The following STXBP5 variants were observed in gnomAD, a reference collection of about 807,000 sequenced individuals.
STXBP5 encodes syntaxin binding protein 5.
In STXBP5, 50 loss-of-function variants were observed where a neutral mutation model predicts 152.4. That is an observed-to-expected ratio of 0.33 (90% CI 0.26 to 0.42). STXBP5 has a LOEUF of 0.42. STXBP5 is among the 10% of genes least tolerant of loss of function. The pLI, the probability that STXBP5 is intolerant of heterozygous loss-of-function variation, is 1.00. For synonymous variants in STXBP5, 492 were observed against 494.7 expected, an observed-to-expected ratio of 0.99 and a Z score of 0.07; for missense variants, 1,167 against 1,388.6, an observed-to-expected ratio of 0.84 and a Z score of 2.54.
intron 21 of STXBP5, among the ~76,000 whole-genome samples, chr6:147,352,743 G>GAGAAACAGT (rs1784646379): frequency 6.6e-6 from 1 of 152,186 alleles, no homozygotes; most frequent in African/African-American, 2.4e-5. Flanking sequence ...AGAAGTTACT[G>GAGAAACAGT]TTTCTCACTC....
chr6:147,351,946 C>T (rs1451112302), intron 21 of STXBP5: 1 of 947,704 alleles, frequency 1.1e-6, no homozygotes, highest in East Asian at 1.2e-4. Context: ...CTAATATATT[C>T]ATTCCTGTAT....
chr6:147,281,087 T>C (rs1780677563), intron 8 of STXBP5, among the ~76,000 whole-genome samples: 1 of 152,184 alleles, frequency 6.6e-6, no homozygotes, highest in South Asian at 2.1e-4. Flanking sequence ...ACTCTACAAC[T>C]GAATTCATGG....
At chr6:147,358,857 C>T (rs1341037961) in intron 22 of STXBP5, among the ~76,000 whole-genome samples, 1 of 151,998 alleles carries the variant, frequency 6.6e-6, no homozygotes, top group African/African-American at 2.4e-5. Flanking sequence ...AGGGGTTGGT[C>T]TTGCTGTCTC....
rs766410540 is a variant in STXBP5 at position 147,206,009 on chromosome 6, G to A, written c.189G>A (p.Leu63=). ...GATTTCCCTATCAACCCTCAGCCCT[G>A]GCCTTTGATCCTGTACAGAAGATCC... ...RHGFPYQPSA[L]AFDPVQKILA... is the part of the protein sequence containing the mutation. The change falls in exon 2 of 28, where the codon CTG becomes CTA. Residue 63 remains leucine, a synonymous_variant. Coordinates refer to ENST00000321680, the MANE Select transcript of STXBP5 (RefSeq NM_001127715.4). The A allele has an allele frequency of 4.3e-6, 7 of 1,613,942 alleles. No individual in the cohort carries two copies. In the Admixed American group the frequency reaches 8.3e-5, roughly 19 times the overall value.
At chr6:147,283,858 C>T (rs1358251185) in intron 8 of STXBP5, among the ~76,000 whole-genome samples, 1 of 152,122 alleles carries the variant, frequency 6.6e-6, no homozygotes, top group East Asian at 1.9e-4. Flanking sequence ...GAGGGAACAA[C>T]CCTCCTCCCC....
At chr6:147,383,209 T>C (rs983337697) in intron 27 of STXBP5, among the ~76,000 whole-genome samples, 2 of 152,080 alleles carry the variant, frequency 1.3e-5, no homozygotes, top group Admixed American at 6.6e-5. Context: ...ATTATAAATT[T>C]TGAAGGAATC....
At chr6:147,311,077 G>A (rs1782351562) in intron 10 of STXBP5, among the ~76,000 whole-genome samples, 1 of 152,012 alleles carries the variant, frequency 6.6e-6, no homozygotes, top group African/African-American at 2.4e-5. Context: ...TTATTGACAG[G>A]CACATATGAA....
chr6:147,212,032 T>C (rs1776883230), intron 2 of STXBP5, among the ~76,000 whole-genome samples: 1 of 152,190 alleles, frequency 6.6e-6, no homozygotes, highest in Non-Finnish European at 1.5e-5. Context: ...CTTTAGCTCC[T>C]CATTCAAGAG....
intron 26 of STXBP5, among the ~76,000 whole-genome samples, chr6:147,376,956 A>G: frequency 6.6e-6 from 1 of 152,334 alleles, no homozygotes; most frequent in South Asian, 2.1e-4. Context: ...CTATATTAAT[A>G]TAAGAAAAAT....
Position 147,204,580 on chromosome 6 carries a change from C to T in STXBP5, c.48C>T (p.Gly16=), listed in dbSNP as rs2114998776. The T allele has an allele frequency of 6.2e-7, 1 of 1,609,714 alleles. No individual in the cohort carries two copies. The highest frequency in any genetic ancestry group is 8.5e-7 in the Non-Finnish European group (1 of 1,178,208). Residue 16 remains glycine, a synonymous_variant, in exon 1 of 28, where the codon GGC becomes GGT. Coordinates refer to ENST00000321680, the MANE Select transcript of STXBP5 (RefSeq NM_001127715.4). The surrounding 1 kb of genome is among the most constrained non-coding windows in gnomAD (Gnocchi z 4.3). ...AGGTGCTGGACGGCCTGACCGCCGG[C>T]TCGTCCTCGGCGTCGCAGCAGCAAC... ...IRKVLDGLTA[G]SSSASQQQQQ... is the part of the protein sequence containing the mutation.
chr6:147,326,195 A>G (rs186257114), intron 17 of STXBP5, among the ~76,000 whole-genome samples: 3 of 152,308 alleles, frequency 2.0e-5, no homozygotes, highest in East Asian at 1.9e-4. Context: ...CACACAATGT[A>G]AGAGCACAAA....
chr6:147,360,570 C>G (rs933315553), intron 23 of STXBP5, among the ~76,000 whole-genome samples: 3 of 152,032 alleles, frequency 2.0e-5, no homozygotes, highest in Non-Finnish European at 4.4e-5. Context: ...CCTAATACCT[C>G]AAGCAAAAGA....
chr6:147,242,163 C>A, intron 4 of STXBP5, among the ~76,000 whole-genome samples: 2 of 141,358 alleles, frequency 1.4e-5, no homozygotes, highest in African/African-American at 5.3e-5. Flanking sequence ...GTGACTGTGT[C>A]TTAGTTTTAA....
chr6:147,294,665 T>C (rs1455791999), intron 9 of STXBP5, among the ~76,000 whole-genome samples: 1 of 152,178 alleles, frequency 6.6e-6, no homozygotes, highest in East Asian at 1.9e-4. Flanking sequence ...TAAAAAAGTA[T>C]TTTAGTCCTT....
intron 2 of STXBP5, among the ~76,000 whole-genome samples, chr6:147,233,859 GACTACT>G (rs1009997209): frequency 6.7e-6 from 1 of 149,490 alleles, no homozygotes; most frequent in Non-Finnish European, 1.5e-5. Flanking sequence ...TTACTATTAT[GACTACT>G]ACTACTACTA....
chr6:147,336,142 T>G (rs1783816251), intron 19 of STXBP5, among the ~76,000 whole-genome samples: 1 of 141,408 alleles, frequency 7.1e-6, no homozygotes, highest in Non-Finnish European at 1.6e-5. Flanking sequence ...GGAAATACTG[T>G]TTTTTTTACA....
At chr6:147,380,963 C>G (rs918497471) in intron 26 of STXBP5, among the ~76,000 whole-genome samples, 2 of 152,054 alleles carry the variant, frequency 1.3e-5, no homozygotes, top group African/African-American at 4.8e-5. Flanking sequence ...GCTGGCGAGA[C>G]CTCACAATCA....
intron 2 of STXBP5, among the ~76,000 whole-genome samples, chr6:147,229,417 A>G (rs575521383): frequency 2.6e-5 from 4 of 151,948 alleles, no homozygotes; most frequent in Admixed American, 6.6e-5. Flanking sequence ...GTCAATTTCT[A>G]TAAACAGCTG....
At chr6:147,308,992 A>G (rs1371424519) in intron 9 of STXBP5, among the ~76,000 whole-genome samples, 2 of 152,196 alleles carry the variant, frequency 1.3e-5, no homozygotes, top group African/African-American at 2.4e-5. Context: ...TTATCACTAC[A>G]TATCCATTTT....
Sources: gnomAD v4.1 joint callset for allele counts (sites outside exome capture counted in the v4.1 genomes callset) on GRCh38, gnomAD v4.1.1 for gene constraint, Gnocchi (gnomAD v3.1) non-coding constraint, MANE v1.5 for transcripts, NCBI Gene and HGNC (gene_info 2026-07-23, HGNC 2026-07-21) for gene names.